ATP7A: variants seen among roughly 807,000 people sequenced by gnomAD.
The protein encoded by ATP7A is copper-transporting ATPase 1.
Under a neutral mutation model 83.5 loss-of-function variants are expected in ATP7A, and 7 were observed. The ratio of observed to expected loss-of-function variants is 0.08; its 90% CI spans 0.05 to 0.16. The LOEUF (loss-of-function observed/expected upper bound fraction) is 0.16. Ranked by LOEUF, ATP7A falls within the 10% of genes least tolerant of loss-of-function variation. The pLI is 1.00. For synonymous variants in ATP7A, 354 were observed against 395.2 expected (o/e 0.90, Z 1.24); for missense variants, 940 against 1,120.8 (o/e 0.84, Z 2.30).
intron 1 of ATP7A, among the ~76,000 whole-genome samples, chrX:77,952,565 A>C (rs1349248554): frequency 9.0e-6 from 1 of 111,562 alleles, no homozygotes; most frequent in Admixed American, 9.6e-5. Flanking sequence ...TTAGCACAAG[A>C]CTTTTTAATA....
In ATP7A at chrX:78,038,997, A is replaced by T; in HGVS notation, c.3658+15A>T. On this transcript the variant is annotated intron_variant, in intron 18 of 22. Coordinates refer to ENST00000341514, the MANE Select transcript of ATP7A (RefSeq NM_000052.7). ...AGCAGTTGATGGTAAGGTTTTCCATAAGTATGCTATAACTCAATGTTTTGT... is the reference window on the plus strand; with the variant it reads ...AGCAGTTGATGGTAAGGTTTTCCATTAGTATGCTATAACTCAATGTTTTGT... 8.3e-7 allele frequency: 1 copy of T among 1,204,909 alleles called. No individual in the cohort carries two copies. The highest frequency in any genetic ancestry group is 1.8e-5 in the South Asian group (1 of 56,815).
chrX:78,022,679 G>T (rs185120779), intron 14 of ATP7A, among the ~76,000 whole-genome samples: 84 of 109,761 alleles, frequency 7.7e-4, no homozygotes, highest in Middle Eastern at 9.4e-3. Flanking sequence ...CACCATGCCC[G>T]GCTAATTTTT....
intron 1 of ATP7A, among the ~76,000 whole-genome samples, chrX:77,945,883 C>T (rs1209110849): frequency 5.4e-5 from 6 of 111,545 alleles, no homozygotes; most frequent in Non-Finnish European, 9.4e-5. Flanking sequence ...GATTGAGTTA[C>T]AATTTTTTAA....
At chrX:77,923,728 A>T (rs2077227518) in intron 1 of ATP7A, 1 of 110,525 alleles carries the variant, frequency 9.0e-6, no homozygotes, top group South Asian at 3.8e-4. Flanking sequence ...TAGACAGAGG[A>T]TGTTAATAAG....
intron 17 of ATP7A, among the ~76,000 whole-genome samples, chrX:78,037,410 A>G (rs2078020002): frequency 8.9e-6 from 1 of 112,553 alleles, no homozygotes; most frequent in Admixed American, 9.4e-5. Context: ...GTTAGTGGCT[A>G]TTGTATTAAA....
intron 19 of ATP7A, 117 bp from the exon 20 acceptor site, chrX:78,042,468 A>C: frequency 1.4e-6 from 1 of 730,673 alleles, no homozygotes; most frequent in Non-Finnish European, 2.2e-6. Flanking sequence ...ACTAGATATT[A>C]TCAGTCTTTT....
At chrX:77,953,566 TA>T (rs1161903481) in intron 1 of ATP7A, among the ~76,000 whole-genome samples, 2 of 112,448 alleles carry the variant, frequency 1.8e-5, no homozygotes, top group Non-Finnish European at 3.8e-5. Flanking sequence ...CCACACACAC[TA>T]AAAACATGTT....
At chrX:77,980,432 G>A (rs374097297) in intron 2 of ATP7A, among the ~76,000 whole-genome samples, 10 of 109,756 alleles carry the variant, frequency 9.1e-5, no homozygotes, top group East Asian at 8.7e-4. Context: ...GCAACAGAGC[G>A]AGACTCCAAC....
At chrX:78,008,860 T>TA (rs1466975126) in intron 6 of ATP7A, among the ~76,000 whole-genome samples, 1 of 108,416 alleles carries the variant, frequency 9.2e-6, no homozygotes, top group African/African-American at 3.4e-5. Flanking sequence ...ACAAAAAAGA[T>TA]AAAAAATTAG....
rs376179410 is a variant in ATP7A, at chrX:78,012,872, A to T, written c.2173-7A>T. On this transcript the variant is annotated splice_polypyrimidine_tract_variant and splice_region_variant and intron_variant, in intron 9 of 22. Transcript: ENST00000341514. ...AAAATTCAATGATTATCATTCCTATATTGCAGTTTTTCGGAGGCTGGTACT... is the reference window on the plus strand; with the variant it reads ...AAAATTCAATGATTATCATTCCTATTTTGCAGTTTTTCGGAGGCTGGTACT... 17 of 1,184,019 alleles carry T rather than the reference A, an allele frequency of 1.4e-5. No homozygotes were observed. The highest frequency in any genetic ancestry group is 1.8e-5 in the Non-Finnish European group (16 of 871,719).
chrX:78,011,847 T>A (rs1339861759), intron 9 of ATP7A, 173 bp downstream of exon 9: 1 of 552,351 alleles, frequency 1.8e-6, no homozygotes, highest in African/African-American at 2.3e-5. Flanking sequence ...TGATAATAGA[T>A]GCCATTTAAC....
intron 1 of ATP7A, chrX:77,922,987 T>C (rs781910060): frequency 2.0e-4 from 22 of 112,398 alleles, no homozygotes; most frequent in African/African-American, 2.6e-4. Context: ...AAGAGTTATC[T>C]GTGTTTTTCA....
At chrX:78,011,118 T>C (rs782614162) in intron 7 of ATP7A, 58 bp from the exon 8 acceptor site, 1 of 1,044,679 alleles carries the variant, frequency 9.6e-7, no homozygotes, top group East Asian at 3.0e-5. Flanking sequence ...GCTTAGAATT[T>C]CTCTATACAA....
chrX:78,036,304 A>AAGGTAGT, intron 17 of ATP7A, among the ~76,000 whole-genome samples: 1 of 111,064 alleles, frequency 9.0e-6, no homozygotes, highest in Admixed American at 9.6e-5. Flanking sequence ...CCTCACTGAG[A>AAGGTAGT]AGGTAGTGTT....
chrX:77,959,249 C>G (rs2077462606), intron 1 of ATP7A, among the ~76,000 whole-genome samples: 1 of 110,978 alleles, frequency 9.0e-6, no homozygotes, highest in Admixed American at 9.6e-5. Context: ...GATTTTGTAT[C>G]CTGTGACTTA....
intron 1 of ATP7A, among the ~76,000 whole-genome samples, chrX:77,921,673 C>T (rs1404974907): frequency 9.0e-6 from 1 of 111,667 alleles, no homozygotes; most frequent in Admixed American, 9.6e-5. Flanking sequence ...GAGTCCCAGG[C>T]GGATGGATCA....
At chrX:77,931,015 T>TA (rs1163653184) in intron 1 of ATP7A, among the ~76,000 whole-genome samples, 2 of 97,933 alleles carry the variant, frequency 2.0e-5, no homozygotes, top group Non-Finnish European at 4.1e-5. Context: ...TTACCTTTTT[T>TA]TTTATTTTTT....
rs367959027 is a variant in ATP7A, at chrX:77,928,849, G to A, written c.-22+18014G>A. Among the ~76,000 whole-genome samples, 32 of 111,991 alleles carry A rather than the reference G, an allele frequency of 2.9e-4. 2 individuals carry two copies. The highest frequency in any genetic ancestry group is 2.2e-3 in the Admixed American group (23 of 10,552). On this transcript the variant is annotated intron_variant, in intron 1 of 22. Coordinates refer to ENST00000341514, the MANE Select transcript of ATP7A (RefSeq NM_000052.7). Reference sequence around the variant, plus strand: ...TGTATGTGTGAAGATAAATGTGCTAGGCCGTCAATGGGTAATTCTTTTCTT... The same window carrying A: ...TGTATGTGTGAAGATAAATGTGCTAAGCCGTCAATGGGTAATTCTTTTCTT...
At chrX:78,017,215 T>A (rs1367441628) in intron 12 of ATP7A, among the ~76,000 whole-genome samples, 1 of 112,437 alleles carries the variant, frequency 8.9e-6, no homozygotes, top group African/African-American at 3.2e-5. Flanking sequence ...TCTGAAGCAA[T>A]GGCCTGAGTT....
Sources: allele counts gnomAD v4.1 joint callset (sites outside exome capture counted in the v4.1 genomes callset), GRCh38; gene constraint gnomAD v4.1.1; transcripts MANE v1.5; gene names NCBI Gene and HGNC (gene_info 2026-07-23, HGNC 2026-07-21).